The following SNTG1 variants were observed in gnomAD, a reference collection of about 807,000 sequenced individuals.
SNTG1 encodes syntrophin gamma 1.
In SNTG1, 39 loss-of-function variants were observed where a neutral mutation model predicts 74.7. The observed-to-expected ratio is 0.52, with a 90% CI of 0.40 to 0.68. The LOEUF (loss-of-function observed/expected upper bound fraction) is 0.68, where lower values mean the gene tolerates loss of function less well. Among genes scored for constraint, SNTG1 ranks in the 30% least tolerant of loss-of-function variants. SNTG1 has a pLI of 0.00. For missense variants in SNTG1, 685 were observed against 609.5 expected (o/e 1.12, Z -1.30); for synonymous variants, 254 against 217.1 (o/e 1.17, Z -1.49).
chr8:50,427,397 A>G (rs1411611727), intron 4 of SNTG1, among the ~76,000 whole-genome samples: 1 of 152,156 alleles, frequency 6.6e-6, no homozygotes, highest in Non-Finnish European at 1.5e-5. Flanking sequence ...ACAGACACTA[A>G]TGCAAATATT....
intron 15 of SNTG1, among the ~76,000 whole-genome samples, chr8:50,666,271 A>G (rs7824055): frequency 0.044 from 6,686 of 152,200 alleles, 390 homozygotes; most frequent in African/African-American, 0.12. Context: ...CATTAAAGTT[A>G]GGAAAAGATC....
At chr8:50,473,821 A>G (rs2093672988) in intron 8 of SNTG1, among the ~76,000 whole-genome samples, 1 of 152,214 alleles carries the variant, frequency 6.6e-6, no homozygotes. Flanking sequence ...TCACAAAACA[A>G]TACATCCTGT....
At chr8:50,666,251 G>C (rs1227183929) in intron 15 of SNTG1, among the ~76,000 whole-genome samples, 1 of 152,092 alleles carries the variant, frequency 6.6e-6, no homozygotes, top group Non-Finnish European at 1.5e-5. Context: ...TTCTTCAATA[G>C]TGTCAAAGTC....
At chr8:50,224,603 C>G (rs1344317144) in intron 2 of SNTG1, among the ~76,000 whole-genome samples, 1 of 152,116 alleles carries the variant, frequency 6.6e-6, no homozygotes, top group East Asian at 1.9e-4. Context: ...AAGCACCCCC[C>G]AACCAACTGA....
intron 15 of SNTG1, among the ~76,000 whole-genome samples, chr8:50,669,762 C>G (rs1355366501): frequency 1.3e-5 from 2 of 152,128 alleles, no homozygotes; most frequent in Non-Finnish European, 2.9e-5. Flanking sequence ...AGACTAATAT[C>G]CTTGATGAAC....
At chr8:50,320,399 T>A (rs2090480401) in intron 2 of SNTG1, among the ~76,000 whole-genome samples, 1 of 152,128 alleles carries the variant, frequency 6.6e-6, no homozygotes, top group Non-Finnish European at 1.5e-5. Flanking sequence ...GATTTTTTTC[T>A]CTTTTTTTCA....
intron 2 of SNTG1, among the ~76,000 whole-genome samples, chr8:50,274,358 A>T (rs1434166418): frequency 6.6e-6 from 1 of 152,008 alleles, no homozygotes; most frequent in African/African-American, 2.4e-5. Flanking sequence ...AAGTGCTGGG[A>T]TTGCAGGTGT....
chr8:50,674,580 G>C (rs778540215), intron 15 of SNTG1, among the ~76,000 whole-genome samples: 1 of 151,050 alleles, frequency 6.6e-6, no homozygotes, highest in Non-Finnish European at 1.5e-5. Flanking sequence ...TCTTAGTTTA[G>C]CTAGCAGTCT....
chr8:50,023,505 G>A (rs75488326), intron 1 of SNTG1, among the ~76,000 whole-genome samples: 6,739 of 152,192 alleles, frequency 0.044, 506 homozygotes, highest in African/African-American at 0.15. Context: ...CGATCAGTAT[G>A]AGGTTCAGAG....
chr8:50,734,488 T>G, intron 17 of SNTG1, among the ~76,000 whole-genome samples: 1 of 151,158 alleles, frequency 6.6e-6, no homozygotes, highest in East Asian at 1.9e-4. Context: ...CCATCATTAT[T>G]GACATATCTA....
chr8:50,773,106 C>T (rs1187277240), intron 18 of SNTG1, among the ~76,000 whole-genome samples: 1 of 152,136 alleles, frequency 6.6e-6, no homozygotes, highest in Non-Finnish European at 1.5e-5. Context: ...GACTAAGACA[C>T]AGGCCTTGTC....
At chr8:50,784,461 T>C (rs553964707) in intron 18 of SNTG1, among the ~76,000 whole-genome samples, 7 of 152,144 alleles carry the variant, frequency 4.6e-5, no homozygotes, top group African/African-American at 1.7e-4. Flanking sequence ...CATTTTATAA[T>C]GAAAAATGAA....
Position 50,296,112 on chromosome 8 carries a change from C to T in SNTG1, c.-27-98100C>T, listed in dbSNP as rs148164357. Among the ~76,000 whole-genome samples, 907 of 152,158 alleles carry T rather than the reference C, an allele frequency of 6.0e-3. 11 individuals carry two copies. Among genetic ancestry groups the T allele is most frequent in the Middle Eastern group, 0.014 (4 of 294 alleles). On this transcript the variant is annotated intron_variant, in intron 2 of 18. Coordinates refer to ENST00000642720, the MANE Select transcript of SNTG1 (RefSeq NM_018967.5). ...AGCTCCCCAGGAGAGATGGAGAACACCATGTTCTGCATTTTAATGAGAAAC... is the reference window on the plus strand; with the variant it reads ...AGCTCCCCAGGAGAGATGGAGAACATCATGTTCTGCATTTTAATGAGAAAC...
intron 17 of SNTG1, among the ~76,000 whole-genome samples, chr8:50,743,352 G>A (rs1397343416): frequency 2.0e-5 from 3 of 151,822 alleles, no homozygotes; most frequent in African/African-American, 7.2e-5. Flanking sequence ...TTCAATATAT[G>A]TAAATCAATC....
intron 1 of SNTG1, among the ~76,000 whole-genome samples, chr8:49,956,808 T>C (rs1410504049): frequency 6.6e-6 from 1 of 152,164 alleles, no homozygotes; most frequent in African/African-American, 2.4e-5. Context: ...TTAAGAACCA[T>C]GGTAAATAAT....
chr8:50,167,210 CA>C (rs1226650331), intron 1 of SNTG1, among the ~76,000 whole-genome samples: 2 of 140,880 alleles, frequency 1.4e-5, no homozygotes, highest in African/African-American at 5.4e-5. Flanking sequence ...CAGCATGGCA[CA>C]TGTATACATA....
chr8:50,388,369 T>C (rs945972219), intron 2 of SNTG1, among the ~76,000 whole-genome samples: 2 of 152,166 alleles, frequency 1.3e-5, no homozygotes, highest in Non-Finnish European at 1.5e-5. Context: ...ATTGTGTGTA[T>C]CTCTATTGCC....
chr8:50,364,506 G>A (rs904298788), intron 2 of SNTG1, among the ~76,000 whole-genome samples: 28 of 152,012 alleles, frequency 1.8e-4, no homozygotes, highest in Non-Finnish European at 7.4e-5. Context: ...TAGAGAAATG[G>A]GTGAGAACAA....
chr8:50,463,115 C>G lies in SNTG1; in HGVS notation c.363+12386C>G, dbSNP rs189900532. 8.7e-4 allele frequency among the ~76,000 whole-genome samples: 132 copies of G among 152,188 alleles called. 2 individuals are homozygous for G. Among genetic ancestry groups the G allele is most frequent in the Non-Finnish European group, 4.4e-4 (30 of 67,980 alleles). ...TAGGCGTAAGCCACCACGTCCAGCC[C>G]AGATTCTACTTCTAATTCCAGTTCT... On this transcript the variant is annotated intron_variant, in intron 8 of 18. Coordinates refer to ENST00000642720, the MANE Select transcript of SNTG1 (RefSeq NM_018967.5).
Sources: gnomAD v4.1 joint callset for allele counts (sites outside exome capture counted in the v4.1 genomes callset) on GRCh38, gnomAD v4.1.1 for gene constraint, MANE v1.5 for transcripts, NCBI Gene and HGNC (gene_info 2026-07-23, HGNC 2026-07-21) for gene names.